Variants in TMC8 observed in about 807,000 individuals in gnomAD.
The protein encoded by TMC8 is transmembrane channel-like protein 8.
In TMC8, 71 loss-of-function variants were observed where a neutral mutation model predicts 76.0. That is an observed-to-expected ratio of 0.93 (90% CI 0.77 to 1.14). The LOEUF is 1.14. TMC8 is among the 50% of genes most tolerant of loss of function. TMC8 has a pLI of 0.00. For synonymous variants in TMC8, 433 were observed against 433.8 expected (o/e 1.00, Z 0.02); for missense variants, 924 against 947.9 (o/e 0.97, Z 0.33).
chr17:78,134,647 C>G lies in TMC8; in HGVS notation c.987+83C>G, dbSNP rs532893880. 8.8e-5 allele frequency: 138 copies of G among 1,575,218 alleles called. No homozygotes were observed. In the African/African-American group the frequency reaches 1.6e-3, roughly 18 times the overall value. On this transcript the variant is annotated intron_variant, in intron 8 of 15. Transcript: ENST00000318430. ...GATCCCATTTTACAGATGAGGAAAC[C>G]GAGGCTCAGAGAGGTTCAATCGGTC...
At position 78,138,730 on chromosome 17, in the gene TMC8, C is replaced by G. The variant is rs1410060867; in HGVS notation, c.1821C>G (p.Leu607=). ...TCAGCTTCCCCCTCCTCATCATGCT[C>G]AGGTTCTCAGGGCAGCCGGGGCCAT... is the stretch of plus-strand genomic sequence containing the variant. The part of the protein sequence containing the change: ...HAFSFPLLIM[L]SLVLTVCVSQ... The change falls in exon 14 of 16, where the codon CTC becomes CTG. Residue 607 remains leucine (L), a splice_region_variant and synonymous_variant. Coordinates refer to ENST00000318430, the MANE Select transcript of TMC8 (RefSeq NM_152468.5). 1 of 1,607,126 alleles carries G rather than the reference C, an allele frequency of 6.2e-7. No homozygotes were observed. The highest frequency in any genetic ancestry group is 1.7e-5 in the Admixed American group (1 of 60,010).
Position 78,138,048 on chromosome 17 carries a change from G to A in TMC8, c.1393G>A (p.Glu465Lys). Reference sequence around the variant, plus strand: ...CTCAGGCCGGTTCTGGGCCTGGCTGGAACGGGAGGAGTTCCTGGTCCCCAA... The same window carrying A: ...CTCAGGCCGGTTCTGGGCCTGGCTGAAACGGGAGGAGTTCCTGGTCCCCAA... ...RFSGRFWAWL[E>K]REEFLVPKNV... The change falls in exon 12 of 16, where the codon GAA (glutamate) becomes AAA (lysine). Residue 465 changes from glutamate to lysine, a missense_variant. By Grantham distance (56) the Glu-to-Lys change is moderately conservative. Coordinates refer to ENST00000318430, the MANE Select transcript of TMC8 (RefSeq NM_152468.5). 1 of 1,614,032 alleles carries A rather than the reference G, an allele frequency of 6.2e-7. No homozygotes were observed. Among genetic ancestry groups the A allele is most frequent in the Non-Finnish European group, 8.5e-7 (1 of 1,180,020 alleles).
intron 9 of TMC8, 194 bp from the exon 10 acceptor site, chr17:78,137,041 C>T (rs2075251060): frequency 1.3e-6 from 1 of 745,792 alleles, no homozygotes; most frequent in Admixed American, 2.6e-5. Flanking sequence ...AACCCTTTTT[C>T]CCATGAATCG....
At position 78,134,436 on chromosome 17, in the gene TMC8, CAG is replaced by C; in HGVS notation, c.861_862del (p.Gln287HisfsTer120). 1 of 1,613,520 alleles carries C rather than the reference CAG, an allele frequency of 6.2e-7. No homozygotes were observed. Among genetic ancestry groups the C allele is most frequent in the Non-Finnish European group, 8.5e-7 (1 of 1,180,026 alleles). ...CCGTCGCTTCCAGCTGATGCAGCAGCAGACCCGGGCCCAGACGGCCTGCCGCC... is the reference window on the plus strand; with the variant it reads ...CCGTCGCTTCCAGCTGATGCAGCAGCACCCGGGCCCAGACGGCCTGCCGCC... ...EGRRFQLMQQ[Q>X]TRAQTACRLL... On this transcript the variant is annotated frameshift_variant, in exon 8 of 16. Coordinates refer to ENST00000318430, the MANE Select transcript of TMC8 (RefSeq NM_152468.5). LOFTEE classifies it high-confidence loss of function.
chr17:78,131,912 C>A lies in TMC8; in HGVS notation c.180C>A (p.Thr60=). Residue 60 remains threonine, a synonymous_variant, in exon 3 of 16, where the codon ACC becomes ACA. Coordinates refer to ENST00000318430, the MANE Select transcript of TMC8 (RefSeq NM_152468.5). ...WQLREPAGVQ[T]LRWQRWQRRR... ...TGCGGGAGCCCGCGGGGGTGCAGAC[C>A]TTGCGCTGGCAGCGGTGGCAGCGCC... 6.7e-7 allele frequency: 1 copy of A among 1,495,298 alleles called. No individual in the cohort carries two copies. The highest frequency in any genetic ancestry group is 8.9e-7 in the Non-Finnish European group (1 of 1,128,552). The allele number at this position is 1,495,298 out of a possible 1,614,324, so 92.6% of individuals were successfully genotyped here.
At chr17:78,140,669 G>T (rs1022808178) in intron 15 of TMC8, among the ~76,000 whole-genome samples, 165 bp from the exon 16 acceptor site, 3 of 151,444 alleles carry the variant, frequency 2.0e-5, no homozygotes, top group Non-Finnish European at 4.4e-5. Context: ...GCGTGGCCCT[G>T]GGAGGGTGTG....
In TMC8 at chr17:78,133,393, T is replaced by C. The variant is rs1332997023; in HGVS notation, c.532-13T>C. On this transcript the variant is annotated splice_polypyrimidine_tract_variant and intron_variant, in intron 5 of 15. Transcript: ENST00000318430. ...TGCTCACCCGGGCTGGGTATCTTCG[T>C]CGCTGTCCCCAGGCCTTCACCAACA... 6.2e-7 allele frequency: 1 copy of C among 1,613,664 alleles called. No homozygotes were observed. Among genetic ancestry groups the C allele is most frequent in the Admixed American group, 1.7e-5 (1 of 60,024 alleles).
chr17:78,135,009 G>A lies in TMC8; in HGVS notation c.1127G>A (p.Trp376Ter). ...PNTEVNLTLI[W>*]CVVLKLASLG... ...ACGGAGGTCAACCTCACTCTGATCTGGTGAGTGCCACCCTTGGTGGGGACA... is the reference window on the plus strand; with the variant it reads ...ACGGAGGTCAACCTCACTCTGATCTAGTGAGTGCCACCCTTGGTGGGGACA... Residue 376 changes from tryptophan (W) to a stop codon, truncating the protein, a stop_gained and splice_region_variant, in exon 9 of 16, where the codon TGG (tryptophan) becomes TAG (stop). Coordinates refer to ENST00000318430, the MANE Select transcript of TMC8 (RefSeq NM_152468.5). LOFTEE classifies it high-confidence loss of function. 6.2e-7 allele frequency: 1 copy of A among 1,613,966 alleles called. No individual in the cohort carries two copies. The highest frequency in any genetic ancestry group is 8.5e-7 in the Non-Finnish European group (1 of 1,179,958).
At position 78,137,781 on chromosome 17, in the gene TMC8, T is replaced by C. The variant is rs1240386753; in HGVS notation, c.1316T>C (p.Val439Ala). The part of the protein sequence containing the change: ...KLSIFNFLLT[V>A]AFAFLVTLPR... The stretch of plus-strand genomic sequence containing the variant: ...AGTATCTTCAACTTCCTCCTCACCG[T>C]GGCCTTCGCCTTCCTGGTCACCCTG... The change falls in exon 11 of 16, where the codon GTG (valine) becomes GCG (alanine). Residue 439 changes from valine (V) to alanine (A), a missense_variant. Coordinates refer to ENST00000318430, the MANE Select transcript of TMC8 (RefSeq NM_152468.5). The C allele has an allele frequency of 9.3e-6, 15 of 1,613,472 alleles. No homozygotes were observed. Among genetic ancestry groups the C allele is most frequent in the Non-Finnish European group, 1.2e-5 (14 of 1,180,024 alleles).
In TMC8 at chr17:78,137,712, C is replaced by G. The variant is rs765724325; in HGVS notation, c.1252-5C>G. 3.3e-5 allele frequency: 53 copies of G among 1,610,870 alleles called. 1 individual carries two copies. The highest frequency in any genetic ancestry group is 4.1e-5 in the Non-Finnish European group (48 of 1,177,802). On this transcript the variant is annotated splice_polypyrimidine_tract_variant and splice_region_variant and intron_variant, in intron 10 of 15. Coordinates refer to ENST00000318430, the MANE Select transcript of TMC8 (RefSeq NM_152468.5). ...GGTGACGGGTCCCCTTCCCCTGCAC[C>G]CCAGTGCTGGGAGAACTCCGTGGGG... is the stretch of plus-strand genomic sequence containing the variant.
Position 78,138,103 on chromosome 17 carries a change from C to G in TMC8, c.1448C>G (p.Thr483Arg). ...GTGCTGGACATCGTGGCGGGGCAGA[C>G]GGTCACCTGGATGGGCCTCTTCTAC... ...KNVLDIVAGQ[T>R]VTWMGLFYCP... Residue 483 changes from threonine (T) to arginine (R), a missense_variant, in exon 12 of 16, where the codon ACG (threonine) becomes AGG (arginine). By Grantham distance (71) the Thr-to-Arg change is moderately conservative (BLOSUM62 -1). Coordinates refer to ENST00000318430, the MANE Select transcript of TMC8 (RefSeq NM_152468.5). The G allele has an allele frequency of 6.2e-7, 1 of 1,613,962 alleles. No homozygotes were observed. Among genetic ancestry groups the G allele is most frequent in the South Asian group, 1.1e-5 (1 of 91,086 alleles).
intron 7 of TMC8, 99 bp from the exon 8 acceptor site, chr17:78,134,295 G>C (rs1294767601): frequency 4.3e-6 from 6 of 1,387,614 alleles, no homozygotes; most frequent in Non-Finnish European, 6.0e-6. Flanking sequence ...GTGTATGTGA[G>C]CGTGAATGGT....
intron 5 of TMC8, 82 bp downstream of exon 5, chr17:78,132,952 C>A: frequency 6.8e-7 from 1 of 1,462,724 alleles, no homozygotes; most frequent in Non-Finnish European, 9.6e-7. Context: ...TCTAAGAGGA[C>A]CTCTGCTCCT....
chr17:78,132,745 G>A (rs1172217775), intron 4 of TMC8, 43 bp from the exon 5 acceptor site: 13 of 1,601,230 alleles, frequency 8.1e-6, no homozygotes, highest in East Asian at 2.2e-5. Flanking sequence ...CCTCACCTAT[G>A]CCTTGGGGAT....
chr17:78,141,955 C>G lies in TMC8; in HGVS notation c.*843C>G, dbSNP rs1387865973. 1 of 152,358 alleles carries G rather than the reference C, an allele frequency of 6.6e-6. No individual in the cohort carries two copies. The highest frequency in any genetic ancestry group is 2.4e-5 in the African/African-American group (1 of 41,482). The allele number at this position is 152,358 out of a possible 1,614,324, so 9.4% of individuals were successfully genotyped here. A position where few individuals can be genotyped will look rare whatever the true frequency, so the allele number is the denominator to read the frequency against. ...TTGCGGATCCGTGGGGTGAAGGTACCCGCACCGCCTGGGCCTTAGTGGTAT... is the reference window on the plus strand; with the variant it reads ...TTGCGGATCCGTGGGGTGAAGGTACGCGCACCGCCTGGGCCTTAGTGGTAT... On this transcript the variant is annotated 3_prime_UTR_variant, in exon 16 of 16. Transcript: ENST00000318430.
At chr17:78,132,911 G>A in intron 5 of TMC8, 41 bp downstream of exon 5, 1 of 1,608,196 alleles carries the variant, frequency 6.2e-7, no homozygotes, top group Non-Finnish European at 8.5e-7. Context: ...GAGTCTGGGA[G>A]ACCCAGGGAA....
chr17:78,140,734 C>G (rs564432738), intron 15 of TMC8, 100 bp from the exon 16 acceptor site: 2 of 1,486,246 alleles, frequency 1.3e-6, no homozygotes, highest in African/African-American at 2.8e-5. Context: ...ACTTTGGGTG[C>G]GGGCTGGCCC....
Position 78,141,113 on chromosome 17 carries a change from C to T in TMC8, c.*1C>T. 1 of 1,555,898 alleles carries T rather than the reference C, an allele frequency of 6.4e-7. No individual in the cohort carries two copies. The highest frequency in any genetic ancestry group is 8.6e-7 in the Non-Finnish European group (1 of 1,158,610). On this transcript the variant is annotated 3_prime_UTR_variant, in exon 16 of 16. Coordinates refer to ENST00000318430, the MANE Select transcript of TMC8 (RefSeq NM_152468.5). Reference sequence around the variant, plus strand: ...CTTCCCCAGCGGCGCGGAGCTGTAACCCCTACCCCTGCCTCCCCGAAGCCT... The same window carrying T: ...CTTCCCCAGCGGCGCGGAGCTGTAATCCCTACCCCTGCCTCCCCGAAGCCT...
At position 78,137,958 on chromosome 17, in the gene TMC8, C is replaced by A. The variant is rs200276471; in HGVS notation, c.1350-47C>A. ...CTGTGGCCATGACCAATACAGCCCA[C>A]GCATCTGTCTGGAGTGGTGAGTACC... is the stretch of plus-strand genomic sequence containing the variant. On this transcript the variant is annotated intron_variant, in intron 11 of 15. Coordinates refer to ENST00000318430, the MANE Select transcript of TMC8 (RefSeq NM_152468.5). The A allele has an allele frequency of 2.5e-6, 4 of 1,610,720 alleles. No individual in the cohort carries two copies. The South Asian group carries it at 4.4e-5, about 18-fold the overall frequency.
Sources: allele counts gnomAD v4.1 joint callset (sites outside exome capture counted in the v4.1 genomes callset), GRCh38; gene constraint gnomAD v4.1.1; transcripts MANE v1.5; gene names NCBI Gene and HGNC (gene_info 2026-07-23, HGNC 2026-07-21).